The following BRDT variants were observed in gnomAD, a reference collection of about 807,000 sequenced individuals.
The protein encoded by BRDT is bromodomain testis associated.
Under a neutral mutation model 113.9 loss-of-function variants are expected in BRDT, and 77 were observed. That is an observed-to-expected ratio of 0.68 (90% CI 0.56 to 0.82). BRDT has a LOEUF of 0.82. BRDT is among the 40% of genes least tolerant of loss of function. BRDT has a pLI of 0.00. For synonymous variants in BRDT, 358 were observed against 366.5 expected, an observed-to-expected ratio of 0.98 and a Z score of 0.26; for missense variants, 1,027 against 1,105.4, an observed-to-expected ratio of 0.93 and a Z score of 1.01.
At chr1:91,997,151 A>G (rs1385177211) in intron 15 of BRDT, among the ~76,000 whole-genome samples, 2 of 152,162 alleles carry the variant, frequency 1.3e-5, no homozygotes, top group Admixed American at 1.3e-4. Flanking sequence ...AAAGTATCAC[A>G]TACTGCAGAG....
In BRDT at chr1:91,974,093, C is replaced by T. The variant is rs12044367; in HGVS notation, c.446-2173C>T. 1.5e-4 allele frequency among the ~76,000 whole-genome samples: 23 copies of T among 152,198 alleles called. No homozygotes were observed. The East Asian group carries it at 4.4e-3, about 29-fold the overall frequency. On this transcript the variant is annotated intron_variant, in intron 4 of 18. Coordinates refer to ENST00000399546, the MANE Select transcript of BRDT (RefSeq NM_207189.4). ...AAACTGGCTAGCCATATGTAGAAAG[C>T]TGAAATGGATCCCTTCCTTACACCT...
At position 91,981,290 on chromosome 1, in the gene BRDT, A is replaced by G; in HGVS notation, c.1773A>G (p.Lys591=). The G allele has an allele frequency of 1.9e-6, 3 of 1,614,176 alleles. No individual in the cohort carries two copies. Among genetic ancestry groups the G allele is most frequent in the Non-Finnish European group, 2.5e-6 (3 of 1,180,010 alleles). ...KPPAKKIMMS[K]EELHSQKKQE... is the part of the protein sequence containing the mutation. ...CAGCTAAGAAAATAATGATGTCCAA[A>G]GAAGAACTTCACTCACAGAAAAAAC... The change falls in exon 11 of 19, where the codon AAA becomes AAG. Residue 591 remains lysine (K), a synonymous_variant. Transcript: ENST00000399546.
chr1:92,012,074 C>T (rs747551473), intron 18 of BRDT, among the ~76,000 whole-genome samples: 1 of 152,044 alleles, frequency 6.6e-6, no homozygotes, highest in Non-Finnish European at 1.5e-5. Flanking sequence ...TTTGAGAGGC[C>T]GAGGCAGGCA....
intron 1 of BRDT, among the ~76,000 whole-genome samples, chr1:91,951,598 C>A (rs1348849782): frequency 6.6e-6 from 1 of 151,646 alleles, no homozygotes; most frequent in Non-Finnish European, 1.5e-5. Context: ...ATGGTGAAAC[C>A]CCGTCTCTAC....
At position 91,990,893 on chromosome 1, in the gene BRDT, G is replaced by A. The variant is rs570751163; in HGVS notation, c.2003-291G>A. 2.6e-3 allele frequency among the ~76,000 whole-genome samples: 395 copies of A among 152,292 alleles called. 2 individuals carry two copies. Among genetic ancestry groups the A allele is most frequent in the African/African-American group, 9.0e-3 (372 of 41,556 alleles). On this transcript the variant is annotated intron_variant, in intron 12 of 18. Coordinates refer to ENST00000399546, the MANE Select transcript of BRDT (RefSeq NM_207189.4). ...GCTCACTGCAACCTCCGCTTCCCAGGTTTAAGCAATTCTCCTGCCTCAGCC... is the reference window on the plus strand; with the variant it reads ...GCTCACTGCAACCTCCGCTTCCCAGATTTAAGCAATTCTCCTGCCTCAGCC...
intron 7 of BRDT, among the ~76,000 whole-genome samples, chr1:91,979,344 T>A (rs1024659285): frequency 6.6e-6 from 1 of 151,782 alleles, no homozygotes; most frequent in African/African-American, 2.4e-5. Context: ...ATCTCCCCCA[T>A]CTCCGGTGAT....
At chr1:91,992,978 T>C (rs947492846) in intron 14 of BRDT, among the ~76,000 whole-genome samples, 1 of 152,184 alleles carries the variant, frequency 6.6e-6, no homozygotes. Context: ...ATGCCACCTT[T>C]TTAATGGTCT....
intron 15 of BRDT, among the ~76,000 whole-genome samples, chr1:91,995,299 G>A (rs1426634293): frequency 6.6e-6 from 1 of 152,078 alleles, no homozygotes; most frequent in Non-Finnish European, 1.5e-5. Context: ...TATCTCCCTA[G>A]CAGAATAAAT....
chr1:92,014,167 T>C, intron 18 of BRDT, 39 bp from the exon 19 acceptor site: 1 of 1,392,884 alleles, frequency 7.2e-7, no homozygotes, highest in Non-Finnish European at 1.0e-6. Flanking sequence ...AAGACATACA[T>C]TTTTAAAGTA....
At chr1:91,965,297 G>T (rs182696651) in intron 3 of BRDT, among the ~76,000 whole-genome samples, 2 of 152,102 alleles carry the variant, frequency 1.3e-5, no homozygotes, top group East Asian at 3.9e-4. Context: ...CAGTCTATTT[G>T]CTATAATATT....
intron 7 of BRDT, among the ~76,000 whole-genome samples, chr1:91,979,336 C>T (rs1166413686): frequency 6.6e-6 from 1 of 151,938 alleles, no homozygotes; most frequent in African/African-American, 2.4e-5. Context: ...TGGTCTTGAT[C>T]TCCCCCATCT....
chr1:91,969,279 A>G (rs1042015276), intron 4 of BRDT, among the ~76,000 whole-genome samples: 1 of 151,888 alleles, frequency 6.6e-6, no homozygotes, highest in Non-Finnish European at 1.5e-5. Flanking sequence ...ATGTTTATAA[A>G]GTATATAGTT....
chr1:91,966,513 C>T (rs1683076057), intron 3 of BRDT, among the ~76,000 whole-genome samples: 1 of 152,138 alleles, frequency 6.6e-6, no homozygotes, highest in Admixed American at 6.5e-5. Flanking sequence ...ATTATAGGCA[C>T]ACACCACTGC....
At chr1:91,963,482 T>C (rs1024584669) in intron 2 of BRDT, among the ~76,000 whole-genome samples, 7 of 152,250 alleles carry the variant, frequency 4.6e-5, no homozygotes, top group African/African-American at 1.7e-4. Context: ...TTATAGTATA[T>C]GTCACTTCAC....
In BRDT at chr1:91,968,956, G is replaced by A. The variant is rs142494458; in HGVS notation, c.445+696G>A. 4.5e-3 allele frequency among the ~76,000 whole-genome samples: 663 copies of A among 146,764 alleles called. 4 individuals are homozygous for A. The highest frequency in any genetic ancestry group is 7.1e-3 in the Non-Finnish European group (476 of 66,832). Reference sequence around the variant, plus strand: ...TTTATTTATTTATTTATTTATTTGAGACGGAGTCTTCACTCTGTCGCCCAG... The same window carrying A: ...TTTATTTATTTATTTATTTATTTGAAACGGAGTCTTCACTCTGTCGCCCAG... On this transcript the variant is annotated intron_variant, in intron 4 of 18. Transcript: ENST00000399546.
chr1:91,966,559 C>A (rs751234331), intron 3 of BRDT, among the ~76,000 whole-genome samples: 1 of 152,054 alleles, frequency 6.6e-6, no homozygotes, highest in Non-Finnish European at 1.5e-5. Context: ...AAAATCAGTA[C>A]CATTGGCAAC....
rs185270015 is a variant in BRDT at position 92,006,586 on chromosome 1, C to T, written c.2775+1287C>T. Among the ~76,000 whole-genome samples, 866 of 151,930 alleles carry T rather than the reference C, an allele frequency of 5.7e-3. 3 individuals are homozygous for T. The highest frequency in any genetic ancestry group is 0.01 in the Admixed American group (154 of 15,278). ...GGTTCAAGCGATTCTTCTGCCTCAG[C>T]GTCCCCAGTAGCTGGGATTACAGGC... On this transcript the variant is annotated intron_variant, in intron 18 of 18. Transcript: ENST00000399546.
chr1:91,977,818 C>T (rs1403563974), intron 6 of BRDT, among the ~76,000 whole-genome samples: 2 of 151,738 alleles, frequency 1.3e-5, no homozygotes, highest in Non-Finnish European at 1.5e-5. Flanking sequence ...TTGCAGTGAG[C>T]GGAGATCATC....
intron 15 of BRDT, among the ~76,000 whole-genome samples, chr1:91,997,811 G>A (rs1302433800): frequency 1.3e-5 from 2 of 152,164 alleles, no homozygotes; most frequent in African/African-American, 2.4e-5. Flanking sequence ...ACTGTAGGTG[G>A]CACTATGCCC....
Sources: gnomAD v4.1 joint callset for allele counts (sites outside exome capture counted in the v4.1 genomes callset) on GRCh38, gnomAD v4.1.1 for gene constraint, MANE v1.5 for transcripts, NCBI Gene and HGNC (gene_info 2026-07-23, HGNC 2026-07-21) for gene names.